Variants in SLC1A3 observed in about 807,000 individuals in gnomAD.
SLC1A3 encodes the protein solute carrier family 1 member 3, also known as excitatory amino acid transporter 1.
A neutral mutation model predicts 48.1 loss-of-function variants in SLC1A3; 21 were observed. The observed-to-expected ratio is 0.44, with a 90% CI of 0.31 to 0.63. SLC1A3 has a LOEUF of 0.63. Ranked by LOEUF, SLC1A3 falls within the 20% of genes least tolerant of loss-of-function variation. The pLI is 0.08. For missense variants in SLC1A3, 546 were observed against 689.0 expected (o/e 0.79, Z 2.32); for synonymous variants, 239 against 251.4 (o/e 0.95, Z 0.47).
upstream of SLC1A3, among the ~76,000 whole-genome samples, chr5:36,602,862 G>A (rs1459839784): frequency 2.0e-5 from 3 of 152,210 alleles, no homozygotes. Context: ...ACTAACTTGA[G>A]TGAAGTGAGC....
chr5:36,630,945 C>A (rs1052779294), intron 3 of SLC1A3, among the ~76,000 whole-genome samples: 1 of 152,204 alleles, frequency 6.6e-6, no homozygotes, highest in African/African-American at 2.4e-5. Flanking sequence ...ACAGTTCTTA[C>A]CACAAAAGCT....
intron 3 of SLC1A3, among the ~76,000 whole-genome samples, chr5:36,642,228 C>T (rs1006665434): frequency 2.6e-5 from 4 of 152,154 alleles, no homozygotes; most frequent in South Asian, 2.1e-4. Flanking sequence ...TATAACTTCC[C>T]GCTAAATAAA....
At chr5:36,636,597 TTTC>T (rs1740397820) in intron 3 of SLC1A3, among the ~76,000 whole-genome samples, 1 of 127,878 alleles carries the variant, frequency 7.8e-6, no homozygotes, top group Admixed American at 8.8e-5. Flanking sequence ...TCCTTTCTTC[TTTC>T]TTTTTTTTTT....
chr5:36,609,425 T>C (rs1739104974), intron 2 of SLC1A3: 1 of 205,738 alleles, frequency 4.9e-6, no homozygotes, highest in Non-Finnish European at 8.5e-6. Flanking sequence ...TATACGCCAA[T>C]GCCAGGTTGT....
intron 3 of SLC1A3, among the ~76,000 whole-genome samples, chr5:36,651,445 C>T (rs577744239): frequency 1.3e-5 from 2 of 152,124 alleles, no homozygotes; most frequent in African/African-American, 2.4e-5. Context: ...CAACTCTGGG[C>T]TCATTCCCCA....
chr5:36,654,073 A>G (rs1441712841), intron 3 of SLC1A3, among the ~76,000 whole-genome samples: 6 of 152,034 alleles, frequency 3.9e-5, no homozygotes, highest in African/African-American at 7.3e-5. Flanking sequence ...CGAACTCCTG[A>G]CCTCGTGATC....
At chr5:36,676,610 C>A (rs995692798) in intron 5 of SLC1A3, among the ~76,000 whole-genome samples, 2 of 151,888 alleles carry the variant, frequency 1.3e-5, no homozygotes, top group African/African-American at 4.8e-5. Context: ...CTGGATATCT[C>A]TTTCCTGTTA....
chr5:36,613,738 A>G (rs1739305003), intron 2 of SLC1A3, among the ~76,000 whole-genome samples: 1 of 152,214 alleles, frequency 6.6e-6, no homozygotes. Flanking sequence ...TGGTGTTACC[A>G]GAGCTCAGCT....
intron 3 of SLC1A3, among the ~76,000 whole-genome samples, chr5:36,659,279 G>A (rs992362132): frequency 3.9e-5 from 6 of 152,144 alleles, no homozygotes; most frequent in African/African-American, 1.4e-4. Flanking sequence ...AGTGACCATT[G>A]TTAGCCTCCA....
At chr5:36,685,993 TC>T (rs1238398604) in intron 9 of SLC1A3, 71 bp from the exon 10 acceptor site, 1 of 1,237,414 alleles carries the variant, frequency 8.1e-7, no homozygotes, top group Non-Finnish European at 1.2e-6. Flanking sequence ...GCTGGCCAGT[TC>T]CTAACGTAAG....
At chr5:36,600,591 G>A (rs1738796594) in intron 1 of SLC1A3, among the ~76,000 whole-genome samples, 2 of 152,086 alleles carry the variant, frequency 1.3e-5, no homozygotes, top group Admixed American at 6.6e-5. Flanking sequence ...ATCCTTCCTG[G>A]GGAGGCAGTG....
At chr5:36,669,287 G>A (rs1741891520) in intron 3 of SLC1A3, 1 of 152,206 alleles carries the variant, frequency 6.6e-6, no homozygotes, top group African/African-American at 2.4e-5. Flanking sequence ...ACTGCGGGGG[G>A]ATGGGATACT....
chr5:36,602,584 C>T (rs542604642), upstream of SLC1A3, among the ~76,000 whole-genome samples: 1 of 152,234 alleles, frequency 6.6e-6, no homozygotes, highest in Non-Finnish European at 1.5e-5. Context: ...TGTGTGAAGC[C>T]TTCATTAAAA....
At position 36,684,827 on chromosome 5, in the gene SLC1A3, G is replaced by A. The variant is rs1339765134; in HGVS notation, c.1424+829G>A. ...TTGTGTCCTGACCTTGTGTGAGACC[G>A]GGCAGATTACCCAACCACCCTAGTT... is the stretch of plus-strand genomic sequence containing the variant. On this transcript the variant is annotated intron_variant, in intron 9 of 9. Transcript: ENST00000265113. 5.9e-5 allele frequency among the ~76,000 whole-genome samples: 9 copies of A among 152,278 alleles called. No homozygotes were observed. In the South Asian group the frequency reaches 1.5e-3, roughly 25 times the overall value.
intron 3 of SLC1A3, among the ~76,000 whole-genome samples, chr5:36,636,881 C>A (rs940529914): frequency 2.6e-5 from 4 of 152,122 alleles, no homozygotes; most frequent in African/African-American, 9.7e-5. Flanking sequence ...CCTCTCCAGC[C>A]CCTGGAAAGT....
intron 1 of SLC1A3, among the ~76,000 whole-genome samples, chr5:36,597,400 C>A (rs1017310107): frequency 2.0e-5 from 3 of 151,496 alleles, no homozygotes; most frequent in South Asian, 2.1e-4. Context: ...CACGCCGCCA[C>A]GCCCGGCTAG....
chr5:36,665,848 TACTA>T (rs1741719566), intron 3 of SLC1A3, among the ~76,000 whole-genome samples: 1 of 152,218 alleles, frequency 6.6e-6, no homozygotes, highest in African/African-American at 2.4e-5. Context: ...ATCACTGGCT[TACTA>T]ACTGTGATGC....
chr5:36,676,375 G>C (rs993956393), intron 5 of SLC1A3, among the ~76,000 whole-genome samples: 1 of 152,186 alleles, frequency 6.6e-6, no homozygotes, highest in Non-Finnish European at 1.5e-5. Flanking sequence ...CAACAACACT[G>C]TGAGGTAGAA....
intron 3 of SLC1A3, among the ~76,000 whole-genome samples, chr5:36,654,045 T>C (rs770429808): frequency 6.6e-6 from 1 of 152,184 alleles, no homozygotes; most frequent in East Asian, 1.9e-4. Flanking sequence ...GGTTTTGCCA[T>C]GTTGGTCAGG....
Sources: allele counts gnomAD v4.1 joint callset (sites outside exome capture counted in the v4.1 genomes callset), GRCh38; gene constraint gnomAD v4.1.1; transcripts MANE v1.5; gene names NCBI Gene and HGNC (gene_info 2026-07-23, HGNC 2026-07-21).